ENTREP2: variants seen among roughly 807,000 people sequenced by gnomAD.
ENTREP2 encodes the protein endosomal transmembrane epsin interactor 2, also known as protein ENTREP2.
the ENTREP2 span, among the ~76,000 whole-genome samples, chr15:29,496,493 T>G: frequency 1.3e-5 from 2 of 152,112 alleles, no homozygotes; most frequent in African/African-American, 2.4e-5. Flanking sequence ...CATCCTTGTC[T>G]TCTTCCTGAT....
At chr15:29,577,659 T>C in the ENTREP2 span, among the ~76,000 whole-genome samples, 1 of 152,198 alleles carries the variant, frequency 6.6e-6, no homozygotes, top group African/African-American at 2.4e-5. Flanking sequence ...ATAGCATCAT[T>C]ATTCCAAAGG....
chr15:29,384,105 G>C, the ENTREP2 span, among the ~76,000 whole-genome samples: 3 of 152,090 alleles, frequency 2.0e-5, no homozygotes, highest in African/African-American at 7.2e-5. Context: ...TTTGAACCCA[G>C]TGGGCACACC....
chr15:29,281,574 A>AAT, the ENTREP2 span, among the ~76,000 whole-genome samples: 3 of 152,338 alleles, frequency 2.0e-5, no homozygotes, highest in Admixed American at 2.0e-4. Flanking sequence ...CCACCACATC[A>AAT]ACACATCGAA....
the ENTREP2 span, among the ~76,000 whole-genome samples, chr15:29,257,001 C>A: frequency 4.0e-5 from 6 of 151,772 alleles, no homozygotes; most frequent in African/African-American, 1.5e-4. Context: ...TCTACAACTG[C>A]CTAATACTTC....
At chr15:29,287,649 T>C in the ENTREP2 span, among the ~76,000 whole-genome samples, 1 of 152,224 alleles carries the variant, frequency 6.6e-6, no homozygotes, top group African/African-American at 2.4e-5. Context: ...TACATGTTCA[T>C]AGCAGACATG....
At chr15:29,492,358 A>G in the ENTREP2 span, among the ~76,000 whole-genome samples, 1 of 152,258 alleles carries the variant, frequency 6.6e-6, no homozygotes, top group Admixed American at 6.5e-5. Context: ...TCATATATGC[A>G]TAGTGGGAAA....
At chr15:29,371,911 A>AATAGATAGATAGATAG in the ENTREP2 span, among the ~76,000 whole-genome samples, 103 of 149,614 alleles carry the variant, frequency 6.9e-4, no homozygotes, top group Middle Eastern at 3.5e-3. Flanking sequence ...AAAATAAATA[A>AATAGATAGATAGATAG]ATAGATAGAT....
chr15:29,277,872 C>T, the ENTREP2 span, among the ~76,000 whole-genome samples: 4 of 151,900 alleles, frequency 2.6e-5, no homozygotes, highest in African/African-American at 9.7e-5. Flanking sequence ...GGTATGTCCA[C>T]AAAGAGAGCT....
At chr15:29,144,132 A>G in the ENTREP2 span, among the ~76,000 whole-genome samples, 1 of 152,336 alleles carries the variant, frequency 6.6e-6, no homozygotes, top group East Asian at 1.9e-4. Flanking sequence ...ACACCAAGAC[A>G]CACAGATGCC....
At chr15:29,390,477 C>G in the ENTREP2 span, among the ~76,000 whole-genome samples, 1 of 152,136 alleles carries the variant, frequency 6.6e-6, no homozygotes, top group South Asian at 2.1e-4. Flanking sequence ...GGAGAGGAGG[C>G]CGAACCTTGC....
the ENTREP2 span, among the ~76,000 whole-genome samples, chr15:29,137,893 G>A: frequency 6.6e-6 from 1 of 151,954 alleles, no homozygotes; most frequent in Admixed American, 6.6e-5. Context: ...GTGTTCATGA[G>A]AAAACACTAG....
chr15:29,590,427 A>C, the ENTREP2 span, among the ~76,000 whole-genome samples: 1 of 152,160 alleles, frequency 6.6e-6, no homozygotes, highest in Non-Finnish European at 1.5e-5. Context: ...TCACGCCTGT[A>C]ATCCTAGCAC....
chr15:29,482,601 C>G, the ENTREP2 span, among the ~76,000 whole-genome samples: 1 of 152,186 alleles, frequency 6.6e-6, no homozygotes, highest in African/African-American at 2.4e-5. Flanking sequence ...AGTGTGTAGC[C>G]TCTTCAGACT....
chr15:29,532,959 ACCCAAAGACAGCAGACCC>A, the ENTREP2 span, among the ~76,000 whole-genome samples: 1 of 152,186 alleles, frequency 6.6e-6, no homozygotes, highest in Non-Finnish European at 1.5e-5. Context: ...CATATTTACC[ACCCAAAGACAGCAGACCC>A]TCCATGTGCT....
chr15:29,156,932 T>C, the ENTREP2 span, among the ~76,000 whole-genome samples: 1 of 151,842 alleles, frequency 6.6e-6, no homozygotes, highest in African/African-American at 2.4e-5. Context: ...CCGTCTCCAC[T>C]AAAAATATAA....
chr15:29,570,887 C>T, the ENTREP2 span, among the ~76,000 whole-genome samples: 2 of 144,658 alleles, frequency 1.4e-5, no homozygotes, highest in Non-Finnish European at 3.1e-5. Context: ...CCGGGCCGGG[C>T]GGGGAGCCGG....
chr15:29,217,041 G>A, the ENTREP2 span, among the ~76,000 whole-genome samples: 2 of 152,162 alleles, frequency 1.3e-5, no homozygotes, highest in Non-Finnish European at 2.9e-5. Flanking sequence ...TTTTACAGAA[G>A]TAAAGTAGGC....
the ENTREP2 span, among the ~76,000 whole-genome samples, chr15:29,462,874 C>T: frequency 6.6e-6 from 1 of 152,112 alleles, no homozygotes; most frequent in South Asian, 2.1e-4. Context: ...CAGAAACAGA[C>T]TCCTAAGATA....
the ENTREP2 span, among the ~76,000 whole-genome samples, chr15:29,180,596 G>A: frequency 2.0e-5 from 3 of 151,982 alleles, no homozygotes; most frequent in South Asian, 2.1e-4. Flanking sequence ...CCCAGGAGAC[G>A]GAGGTTGCAG....
Sources: gnomAD v4.1 joint callset for allele counts (sites outside exome capture counted in the v4.1 genomes callset) on GRCh38, gnomAD v4.1.1 for gene constraint, MANE v1.5 for transcripts, NCBI Gene and HGNC (gene_info 2026-07-23, HGNC 2026-07-21) for gene names.